NBR1: variants seen among roughly 807,000 people sequenced by gnomAD.
NBR1 encodes next to BRCA1 gene 1 protein.
Under a neutral mutation model 115.5 loss-of-function variants are expected in NBR1, and 59 were observed. The observed-to-expected ratio is 0.51, with a 90% confidence interval of 0.41 to 0.63. The LOEUF is 0.63. Ranked by LOEUF, NBR1 falls within the 30% of genes least tolerant of loss-of-function variation. NBR1 has a pLI of 0.00. For missense variants in NBR1, 1,043 were observed against 1,150.5 expected (o/e 0.91, Z 1.35); for synonymous variants, 373 against 414.7 (o/e 0.90, Z 1.22).
chr17:43,189,083 C>T lies in NBR1; in HGVS notation c.444C>T (p.Asp148=). The change falls in exon 7 of 21, where the codon GAC becomes GAT. Residue 148 remains aspartate (D), a synonymous_variant. Transcript: ENST00000590996. ...CATGTGACACAGACCAGCCTCAAGA[C>T]AAGCCCCCAGACTGGTTCACAAGCT... ...LVPCDTDQPQ[D]KPPDWFTSYL... is the part of the protein sequence containing the mutation. 6.2e-7 allele frequency: 1 copy of T among 1,613,146 alleles called. No homozygotes were observed. The highest frequency in any genetic ancestry group is 2.2e-5 in the East Asian group (1 of 44,864).
chr17:43,182,632 A>G (rs536807449), intron 5 of NBR1, among the ~76,000 whole-genome samples: 73 of 151,920 alleles, frequency 4.8e-4, no homozygotes, highest in African/African-American at 1.6e-3. Flanking sequence ...TAATTTTTAA[A>G]AATTTGTATG....
At chr17:43,192,066 G>GCTGGA (rs2056961733) in intron 10 of NBR1, among the ~76,000 whole-genome samples, 1 of 143,294 alleles carries the variant, frequency 7.0e-6, no homozygotes, top group Non-Finnish European at 1.5e-5. Context: ...TGTCGCCCAG[G>GCTGGA]CTGGAGTGCA....
At chr17:43,178,054 C>G in intron 3 of NBR1, 56 bp downstream of exon 3, 1 of 1,532,332 alleles carries the variant, frequency 6.5e-7, no homozygotes, top group Non-Finnish European at 8.9e-7. Flanking sequence ...TCTTATTTCT[C>G]CAGTGATATG....
At chr17:43,172,730 C>G (rs977982698) in intron 1 of NBR1, among the ~76,000 whole-genome samples, 6 of 152,022 alleles carry the variant, frequency 3.9e-5, no homozygotes, top group African/African-American at 1.4e-4. Flanking sequence ...CAAAAAAGTG[C>G]CTTTAAATGA....
rs1428820447 is a variant in NBR1, at chr17:43,189,076, CT to C, written c.438del (p.Gln147LysfsTer111). The C allele has an allele frequency of 6.2e-7, 1 of 1,613,582 alleles. No individual in the cohort carries two copies. Among genetic ancestry groups the C allele is most frequent in the Non-Finnish European group, 8.5e-7 (1 of 1,179,518 alleles). ...CTTGTTCCATGTGACACAGACCAGC[CT>C]CAAGACAAGCCCCCAGACTGGTTCA... ...FPLVPCDTDQ[P>X]QDKPPDWFTS... is the part of the protein sequence containing the mutation. On this transcript the variant is annotated frameshift_variant, in exon 7 of 21. Transcript: ENST00000590996. LOFTEE classifies it high-confidence loss of function.
rs959369175 is a variant in NBR1, at chr17:43,193,766, C to G, written c.1524+128C>G. On this transcript the variant is annotated intron_variant, in intron 12 of 20. Coordinates refer to ENST00000590996, the MANE Select transcript of NBR1 (RefSeq NM_005899.5). ...ACCTTGAAAGGTTAGCATCTCCCCC[C>G]GCCCCAACACATCTCTATGCTGATA... 4.1e-5 allele frequency: 39 copies of G among 951,188 alleles called. No homozygotes were observed. In the African/African-American group the frequency reaches 4.5e-4, roughly 11 times the overall value. The allele number at this position is 951,188 out of a possible 1,614,324, so 58.9% of individuals were successfully genotyped here. A position where few individuals can be genotyped will look rare whatever the true frequency, so the allele number is the denominator to read the frequency against.
Position 43,210,218 on chromosome 17 carries a change from C to G in NBR1, c.*144C>G. 1 of 659,744 alleles carries G rather than the reference C, an allele frequency of 1.5e-6. No homozygotes were observed. The highest frequency in any genetic ancestry group is 2.2e-6 in the Non-Finnish European group (1 of 446,386). 40.9% of individuals were successfully genotyped at this position (659,744 alleles called of 1,614,324 possible). On this transcript the variant is annotated 3_prime_UTR_variant, in exon 21 of 21. Coordinates refer to ENST00000590996, the MANE Select transcript of NBR1 (RefSeq NM_005899.5). ...CGTTGAGTTACCAAGACAATACCTG[C>G]TACAGTATTTTGGGGAGCAAACTAA...
At chr17:43,186,218 G>T in intron 5 of NBR1, 32 bp from the exon 6 acceptor site, 1 of 1,519,746 alleles carries the variant, frequency 6.6e-7, no homozygotes, top group African/African-American at 1.4e-5. Flanking sequence ...TAATCACGTC[G>T]CATGTTTTTG....
intron 13 of NBR1, 38 bp downstream of exon 13, chr17:43,194,537 G>A: frequency 6.2e-7 from 1 of 1,611,318 alleles, no homozygotes; most frequent in Non-Finnish European, 8.5e-7. Flanking sequence ...AGGGACAGAG[G>A]GAGAGAGCAC....
At chr17:43,209,366 G>A (rs767890884) in intron 20 of NBR1, among the ~76,000 whole-genome samples, 1 of 152,000 alleles carries the variant, frequency 6.6e-6, no homozygotes. Flanking sequence ...GTGAGCCACC[G>A]CACCCAGCCC....
chr17:43,194,884 T>C (rs2057031257), intron 13 of NBR1, 80 bp from the exon 14 acceptor site: 5 of 1,016,394 alleles, frequency 4.9e-6, no homozygotes, highest in African/African-American at 1.6e-5. Flanking sequence ...TACGAAATGA[T>C]GTGGAAATGG....
At chr17:43,209,452 TCCAGC>T (rs2057375974) in intron 20 of NBR1, 7 of 876,678 alleles carry the variant, frequency 8.0e-6, no homozygotes, top group Admixed American at 4.5e-5. Context: ...GTTTTTTTTG[TCCAGC>T]TCCTCTGCAT....
At chr17:43,184,426 C>T (rs1475182183) in intron 5 of NBR1, among the ~76,000 whole-genome samples, 3 of 130,116 alleles carry the variant, frequency 2.3e-5, no homozygotes, top group Non-Finnish European at 4.8e-5. Flanking sequence ...AGTGCAGTGG[C>T]GCCATCTCAG....
At chr17:43,179,260 T>C in intron 3 of NBR1, 134 bp from the exon 4 acceptor site, 1 of 729,468 alleles carries the variant, frequency 1.4e-6, no homozygotes. Flanking sequence ...GTGTTATTCA[T>C]GACTAGCAAG....
chr17:43,203,721 G>A lies in NBR1; in HGVS notation c.2662G>A (p.Gly888Arg), dbSNP rs1304913369. ...CAGCATTGCTGGAGGACTGGTGAAG[G>A]GGGCTTTGTCTGTTGCTGCCTCTGC... ...GSSIAGGLVK[G>R]ALSVAASAYK... is the part of the protein sequence containing the mutation. Residue 888 changes from glycine to arginine, a missense_variant, in exon 20 of 21, where the codon GGG (glycine) becomes AGG (arginine). Physicochemically the swap from Gly to Arg is moderately radical, Grantham distance 125. Coordinates refer to ENST00000590996, the MANE Select transcript of NBR1 (RefSeq NM_005899.5). 3 of 1,610,640 alleles carry A rather than the reference G, an allele frequency of 1.9e-6. No homozygotes were observed. Among genetic ancestry groups the A allele is most frequent in the Admixed American group, 3.4e-5 (2 of 59,642 alleles).
At chr17:43,199,395 T>G (rs532181628) in intron 16 of NBR1, among the ~76,000 whole-genome samples, 4 of 151,516 alleles carry the variant, frequency 2.6e-5, no homozygotes, top group African/African-American at 4.8e-5. Flanking sequence ...TTTTTTTTTT[T>G]GGGACACAGT....
At chr17:43,191,672 C>A (rs1179878159) in intron 10 of NBR1, 91 bp downstream of exon 10, 4 of 768,794 alleles carry the variant, frequency 5.2e-6, no homozygotes, top group Non-Finnish European at 6.4e-6. Flanking sequence ...TTATTGGTAG[C>A]CCTTAACACC....
chr17:43,185,419 G>A (rs11651757), intron 5 of NBR1, among the ~76,000 whole-genome samples: 4 of 152,148 alleles, frequency 2.6e-5, no homozygotes, highest in Non-Finnish European at 5.9e-5. Flanking sequence ...ACAAAAGTTA[G>A]CCAGGTATGG....
At position 43,211,128 on chromosome 17, in the gene NBR1, G is replaced by C. The variant is rs1476137830; in HGVS notation, c.*1054G>C. The C allele has an allele frequency of 6.1e-6, 1 of 162,962 alleles. No individual in the cohort carries two copies. Among genetic ancestry groups the C allele is most frequent in the Non-Finnish European group, 1.3e-5 (1 of 75,524 alleles). 10.1% of individuals were successfully genotyped at this position (162,962 alleles called of 1,614,324 possible). A position where few individuals can be genotyped will look rare whatever the true frequency, so the allele number is the denominator to read the frequency against. On this transcript the variant is annotated 3_prime_UTR_variant, in exon 21 of 21. Transcript: ENST00000590996. ...AGGCAGCTGGTGTTCTGCAAAACTT[G>C]GACAGGGGCAAAGTTGCTGAAAAAG...
Sources: gnomAD v4.1 joint callset for allele counts (sites outside exome capture counted in the v4.1 genomes callset) on GRCh38, gnomAD v4.1.1 for gene constraint, MANE v1.5 for transcripts, NCBI Gene and HGNC (gene_info 2026-07-23, HGNC 2026-07-21) for gene names.